The following PTPRO variants were observed in gnomAD, a reference collection of about 807,000 sequenced individuals.
The protein encoded by PTPRO is receptor-type tyrosine-protein phosphatase O.
PTPRO carries 62 observed loss-of-function variants against 145.2 expected under a neutral mutation model. That is an observed-to-expected ratio of 0.43 (90% CI 0.35 to 0.53). The LOEUF (loss-of-function observed/expected upper bound fraction) is 0.53. Among genes scored for constraint, PTPRO ranks in the 20% least tolerant of loss-of-function variants. The pLI is 0.01. For missense variants in PTPRO, 1,345 were observed against 1,482.7 expected (o/e 0.91, Z 1.53); for synonymous variants, 565 against 514.7 (o/e 1.10, Z -1.32).
intron 25 of PTPRO, among the ~76,000 whole-genome samples, chr12:15,590,376 G>C (rs1944522273): frequency 6.6e-6 from 1 of 152,146 alleles, no homozygotes; most frequent in Non-Finnish European, 1.5e-5. Flanking sequence ...AGCCATACTC[G>C]CGACTTCTTA....
At chr12:15,485,508 C>T (rs1009272858) in intron 2 of PTPRO, among the ~76,000 whole-genome samples, 4 of 152,122 alleles carry the variant, frequency 2.6e-5, no homozygotes, top group Admixed American at 2.6e-4. Context: ...CTAGCCCAAG[C>T]CTTATGCTTG....
intron 5 of PTPRO, among the ~76,000 whole-genome samples, chr12:15,503,190 A>C (rs914726616): frequency 6.6e-6 from 1 of 151,988 alleles, no homozygotes; most frequent in Non-Finnish European, 1.5e-5. Context: ...CATTACAAAA[A>C]TTTTTTACTG....
intron 12 of PTPRO, among the ~76,000 whole-genome samples, chr12:15,536,941 T>C (rs1943077838): frequency 6.6e-6 from 1 of 152,170 alleles, no homozygotes; most frequent in Non-Finnish European, 1.5e-5. Context: ...CGATGAAAAG[T>C]GGTCAGATTC....
At chr12:15,437,677 C>T (rs1442122927) in intron 1 of PTPRO, among the ~76,000 whole-genome samples, 1 of 152,212 alleles carries the variant, frequency 6.6e-6, no homozygotes, top group Non-Finnish European at 1.5e-5. Flanking sequence ...CCTCTCTGCT[C>T]CACACCCAGG....
Position 15,589,351 on chromosome 12 carries a change from GGGC to G in PTPRO, c.3411-103_3411-101del, listed in dbSNP as rs1280576486. The G allele has an allele frequency of 1.5e-5, 23 of 1,509,638 alleles. No homozygotes were observed. The Admixed American group carries it at 3.2e-4, about 21-fold the overall frequency. 93.5% of individuals were successfully genotyped at this position (1,509,638 alleles called of 1,614,324 possible). On this transcript the variant is annotated intron_variant, in intron 24 of 26. Transcript: ENST00000281171. ...AGATCATGCCATTGCACTCCAGCCT[GGGC>G]AACAGAGCAAGACTCCATCTCAAAG...
At chr12:15,460,172 G>A (rs1306613970) in intron 1 of PTPRO, among the ~76,000 whole-genome samples, 1 of 152,174 alleles carries the variant, frequency 6.6e-6, no homozygotes, top group African/African-American at 2.4e-5. Context: ...GATGGCTCAG[G>A]ATCTTGCTGG....
At chr12:15,590,306 G>T (rs888859992) in intron 25 of PTPRO, among the ~76,000 whole-genome samples, 15 of 152,136 alleles carry the variant, frequency 9.9e-5, no homozygotes, top group Admixed American at 4.6e-4. Flanking sequence ...AGCCGTGGGT[G>T]TGTACCCTTG....
intron 1 of PTPRO, among the ~76,000 whole-genome samples, chr12:15,421,419 G>T (rs1940141710): frequency 6.6e-6 from 1 of 152,214 alleles, no homozygotes; most frequent in East Asian, 1.9e-4. Flanking sequence ...AAGGAGAGAG[G>T]GAATAGGAAG....
chr12:15,551,430 T>C, intron 14 of PTPRO, 121 bp from the exon 15 acceptor site: 1 of 1,276,974 alleles, frequency 7.8e-7, no homozygotes, highest in Non-Finnish European at 1.1e-6. Context: ...AACATGATTG[T>C]TACTATTATT....
intron 1 of PTPRO, among the ~76,000 whole-genome samples, chr12:15,419,750 G>C (rs1214635477): frequency 6.6e-6 from 1 of 150,402 alleles, no homozygotes; most frequent in Non-Finnish European, 1.5e-5. Context: ...TTTTTTCCCA[G>C]AGAAAATAGA....
chr12:15,515,454 A>G (rs892779825), intron 7 of PTPRO, 44 bp from the exon 8 acceptor site: 2 of 1,610,096 alleles, frequency 1.2e-6, no homozygotes, highest in Admixed American at 1.7e-5. Flanking sequence ...TAACATTCTG[A>G]AATCCCAGCT....
Position 15,449,123 on chromosome 12 carries a change from C to CAA in PTPRO, c.76-34839_76-34838dup, listed in dbSNP as rs59963079. 6.2e-3 allele frequency among the ~76,000 whole-genome samples: 871 copies of CAA among 140,554 alleles called. 6 individuals carry two copies. The highest frequency in any genetic ancestry group is 0.011 in the Middle Eastern group (3 of 272). The allele number at this position is 140,554 out of a possible 152,430, so 92.2% of individuals were successfully genotyped here. A position where few individuals can be genotyped will look rare whatever the true frequency, so the allele number is the denominator to read the frequency against. Reference sequence around the variant, plus strand: ...CACGTAGTGAAAGAAGATTTACAGACAAAAAAAAAAAAAGGAAATGACATA... The same window carrying CAA: ...CACGTAGTGAAAGAAGATTTACAGACAAAAAAAAAAAAAAAGGAAATGACATA... On this transcript the variant is annotated intron_variant, in intron 1 of 26. Transcript: ENST00000281171.
intron 1 of PTPRO, among the ~76,000 whole-genome samples, chr12:15,324,648 T>C (rs1866395904): frequency 6.6e-6 from 1 of 152,178 alleles, no homozygotes; most frequent in African/African-American, 2.4e-5. Flanking sequence ...GAAAAATCAT[T>C]TTCCTTTATT....
At chr12:15,378,173 T>TA (rs146460899) in intron 1 of PTPRO, among the ~76,000 whole-genome samples, 7,446 of 151,536 alleles carry the variant, frequency 0.049, 566 homozygotes, top group African/African-American at 0.17. Context: ...AAATGGAGAA[T>TA]TAAAAAAACA....
intron 1 of PTPRO, among the ~76,000 whole-genome samples, chr12:15,356,482 G>A (rs1937992845): frequency 6.6e-6 from 1 of 152,098 alleles, no homozygotes; most frequent in African/African-American, 2.4e-5. Flanking sequence ...AAATGGAGGG[G>A]TGGGTAGCTC....
At chr12:15,482,092 A>T (rs1020523634) in intron 1 of PTPRO, among the ~76,000 whole-genome samples, 18 of 152,136 alleles carry the variant, frequency 1.2e-4, no homozygotes, top group Non-Finnish European at 2.6e-4. Context: ...AGGAGGCAAG[A>T]TACAGAATCA....
chr12:15,373,301 C>T (rs1239878570), intron 1 of PTPRO, among the ~76,000 whole-genome samples: 1 of 152,118 alleles, frequency 6.6e-6, no homozygotes, highest in African/African-American at 2.4e-5. Context: ...TACTATAGGA[C>T]AGGAAAACAA....
At chr12:15,450,096 C>T (rs934383419) in intron 1 of PTPRO, among the ~76,000 whole-genome samples, 1 of 152,132 alleles carries the variant, frequency 6.6e-6, no homozygotes, top group African/African-American at 2.4e-5. Flanking sequence ...ATGTTCATGT[C>T]TTATGGCTCC....
At chr12:15,371,652 A>G (rs1012848626) in intron 1 of PTPRO, among the ~76,000 whole-genome samples, 1 of 152,144 alleles carries the variant, frequency 6.6e-6, no homozygotes, top group African/African-American at 2.4e-5. Context: ...TGTATATACA[A>G]TCTTTTTTAT....
Sources: allele counts gnomAD v4.1 joint callset (sites outside exome capture counted in the v4.1 genomes callset), GRCh38; gene constraint gnomAD v4.1.1; transcripts MANE v1.5; gene names NCBI Gene and HGNC (gene_info 2026-07-23, HGNC 2026-07-21).